LRRC8B: variants seen among roughly 807,000 people sequenced by gnomAD.
LRRC8B encodes volume-regulated anion channel subunit LRRC8B.
LRRC8B carries 23 observed loss-of-function variants against 58.8 expected under a neutral mutation model. The observed-to-expected ratio is 0.39, with a 90% CI of 0.28 to 0.55. LRRC8B has a LOEUF of 0.55. Ranked by LOEUF, LRRC8B falls within the 20% of genes least tolerant of loss-of-function variation. LRRC8B has a pLI of 0.62. For missense variants in LRRC8B, 694 were observed against 936.0 expected (o/e 0.74, Z 3.37); for synonymous variants, 359 against 374.1 (o/e 0.96, Z 0.47).
intron 1 of LRRC8B, among the ~76,000 whole-genome samples, chr1:89,525,667 A>G (rs946270997): frequency 1.3e-5 from 2 of 152,250 alleles, no homozygotes; most frequent in East Asian, 3.8e-4. Flanking sequence ...CTGAGAGGTC[A>G]GAAGGGAGGA....
chr1:89,553,572 A>G (rs1651967685), intron 1 of LRRC8B, among the ~76,000 whole-genome samples: 1 of 152,200 alleles, frequency 6.6e-6, no homozygotes, highest in Non-Finnish European at 1.5e-5. Context: ...CAGAGTACTC[A>G]GGTATTACCT....
At chr1:89,546,811 A>G (rs1038299087) in intron 1 of LRRC8B, among the ~76,000 whole-genome samples, 1 of 152,230 alleles carries the variant, frequency 6.6e-6, no homozygotes, top group African/African-American at 2.4e-5. Flanking sequence ...CTCTATAGCT[A>G]AGTAAAAAAG....
intron 1 of LRRC8B, among the ~76,000 whole-genome samples, chr1:89,534,617 A>G (rs184909726): frequency 1.3e-5 from 2 of 152,242 alleles, no homozygotes; most frequent in East Asian, 1.9e-4. Context: ...TTGAATTGTT[A>G]TTATGATTTT....
intron 1 of LRRC8B, among the ~76,000 whole-genome samples, chr1:89,538,882 G>A (rs562424455): frequency 2.6e-5 from 4 of 151,890 alleles, no homozygotes; most frequent in African/African-American, 4.8e-5. Context: ...CACCACACCC[G>A]GCTAATTTAC....
intron 1 of LRRC8B, among the ~76,000 whole-genome samples, chr1:89,539,301 C>G (rs1226782776): frequency 6.6e-6 from 1 of 152,142 alleles, no homozygotes; most frequent in Non-Finnish European, 1.5e-5. Context: ...ACTTTTTCAT[C>G]TGTATGCCCT....
chr1:89,587,639 A>C (rs552129605), intron 5 of LRRC8B, among the ~76,000 whole-genome samples: 1 of 152,378 alleles, frequency 6.6e-6, no homozygotes, highest in South Asian at 2.1e-4. Context: ...GTTAATAAAG[A>C]TTCCTATAAG....
intron 5 of LRRC8B, among the ~76,000 whole-genome samples, chr1:89,589,490 G>A (rs1431670206): frequency 1.3e-5 from 2 of 151,878 alleles, no homozygotes; most frequent in African/African-American, 2.4e-5. Context: ...GGAAAGGATT[G>A]AGCTAGGTTT....
intron 1 of LRRC8B, among the ~76,000 whole-genome samples, chr1:89,541,807 A>C (rs767735661): frequency 1.8e-4 from 27 of 148,578 alleles, no homozygotes; most frequent in Admixed American, 3.3e-4. Context: ...GGTAGGCAGG[A>C]TAAGAGTTCA....
intron 5 of LRRC8B, among the ~76,000 whole-genome samples, chr1:89,590,330 T>G (rs1654897702): frequency 6.6e-6 from 1 of 152,212 alleles, no homozygotes; most frequent in African/African-American, 2.4e-5. Flanking sequence ...CAGGATAAAA[T>G]TGCTGAATTG....
At chr1:89,581,472 A>C (rs776793500) in intron 4 of LRRC8B, among the ~76,000 whole-genome samples, 2 of 152,128 alleles carry the variant, frequency 1.3e-5, no homozygotes, top group Non-Finnish European at 2.9e-5. Context: ...TCTTTTTCTT[A>C]TCAGATATTT....
chr1:89,585,778 T>A (rs1161634075), intron 5 of LRRC8B, among the ~76,000 whole-genome samples: 1 of 151,266 alleles, frequency 6.6e-6, no homozygotes, highest in African/African-American at 2.4e-5. Flanking sequence ...ACTCAAGCAC[T>A]CAAGCCTGGT....
intron 4 of LRRC8B, among the ~76,000 whole-genome samples, chr1:89,581,157 G>A (rs1282777885): frequency 1.3e-5 from 2 of 151,826 alleles, no homozygotes; most frequent in Non-Finnish European, 2.9e-5. Flanking sequence ...AAATTAGCTG[G>A]GCGTGATGCC....
chr1:89,545,411 C>A (rs1651328777), intron 1 of LRRC8B, among the ~76,000 whole-genome samples: 1 of 152,162 alleles, frequency 6.6e-6, no homozygotes, highest in Admixed American at 6.5e-5. Flanking sequence ...AGAAGTTACA[C>A]AATATACCCA....
intron 3 of LRRC8B, among the ~76,000 whole-genome samples, chr1:89,575,669 TTGAA>T (rs1210680389): frequency 6.7e-6 from 1 of 150,042 alleles, no homozygotes; most frequent in African/African-American, 2.4e-5. Flanking sequence ...CCCTAAAAGT[TTGAA>T]TGGTTAGGGG....
At chr1:89,562,344 T>C (rs556676313) in intron 1 of LRRC8B, among the ~76,000 whole-genome samples, 1 of 152,312 alleles carries the variant, frequency 6.6e-6, no homozygotes, top group South Asian at 2.1e-4. Context: ...CATTAAATTA[T>C]TAGTGAATTT....
chr1:89,585,320 T>C (rs553206855), intron 5 of LRRC8B, among the ~76,000 whole-genome samples: 14 of 152,346 alleles, frequency 9.2e-5, no homozygotes, highest in African/African-American at 3.4e-4. Context: ...GGCCTGCCTC[T>C]ATAATGCAAC....
rs544611694 is a variant in LRRC8B at position 89,578,572 on chromosome 1, T to G, written c.-124-1019T>G. ...TGTAAAATAGGCTTTGCACATGACT[T>G]GGTAAACCCAAAGTAAGTTTTGGAC... On this transcript the variant is annotated intron_variant, in intron 3 of 5. Transcript: ENST00000330947. Among the ~76,000 whole-genome samples the G allele has an allele frequency of 6.6e-5, 10 of 152,340 alleles. No homozygotes were observed. In the South Asian group the frequency reaches 2.1e-3, roughly 32 times the overall value.
At chr1:89,563,989 GATACTCCTT>G (rs1247849630) in intron 1 of LRRC8B, among the ~76,000 whole-genome samples, 30 of 152,126 alleles carry the variant, frequency 2.0e-4, no homozygotes, top group African/African-American at 7.2e-4. Flanking sequence ...GAAAACATGT[GATACTCCTT>G]TTTAAAGTCT....
intron 1 of LRRC8B, among the ~76,000 whole-genome samples, chr1:89,562,150 AAC>A (rs59568247): frequency 0.012 from 1,721 of 139,278 alleles, 23 homozygotes; most frequent in African/African-American, 0.038. Flanking sequence ...CACCTCCCAA[AAC>A]ACACACACAC....
Sources: gnomAD v4.1 joint callset for allele counts (sites outside exome capture counted in the v4.1 genomes callset) on GRCh38, gnomAD v4.1.1 for gene constraint, MANE v1.5 for transcripts, NCBI Gene and HGNC (gene_info 2026-07-23, HGNC 2026-07-21) for gene names.